NEFH: variants seen among roughly 807,000 people sequenced by gnomAD.
NEFH encodes neurofilament heavy polypeptide.
NEFH carries 58 observed loss-of-function variants against 56.6 expected under a neutral mutation model. That is an observed-to-expected ratio of 1.03 (90% CI 0.83 to 1.28). The LOEUF (loss-of-function observed/expected upper bound fraction) is 1.28. Ranked by LOEUF, NEFH falls within the 50% of genes most tolerant of loss-of-function variation. NEFH has a pLI of 0.00. For synonymous variants in NEFH, 542 were observed against 545.8 expected, an observed-to-expected ratio of 0.99 and a Z score of 0.10; for missense variants, 1,221 against 1,307.6, an observed-to-expected ratio of 0.93 and a Z score of 1.02.
chr22:29,490,547 C>G lies in NEFH; in HGVS notation c.2907C>G (p.Pro969=). 1.2e-6 allele frequency: 2 copies of G among 1,612,164 alleles called. No individual in the cohort carries two copies. The highest frequency in any genetic ancestry group is 2.2e-5 in the East Asian group (1 of 44,870). Residue 969 remains proline, a synonymous_variant, in exon 4 of 4, where the codon CCC becomes CCG. Coordinates refer to ENST00000310624, the MANE Select transcript of NEFH (RefSeq NM_021076.4). ...AGGCCAAGAAGCCTGAGGAGAAACC[C>G]AAGACAGAGGCCAAAGCCAAGGAAG... ...EEKAKKPEEK[P]KTEAKAKEDD...
Position 29,480,819 on chromosome 22 carries a change from A to G in NEFH, c.557A>G (p.Asp186Gly). The G allele has an allele frequency of 7.2e-7, 1 of 1,398,306 alleles. No individual in the cohort carries two copies. Among genetic ancestry groups the G allele is most frequent in the Non-Finnish European group, 9.2e-7 (1 of 1,087,920 alleles). 86.6% of individuals were successfully genotyped at this position (1,398,306 alleles called of 1,614,324 possible). Reference protein sequence around the residue: ...EDIAHVRQRLDDEARQREEAE... With the variant: ...EDIAHVRQRLGDEARQREEAE... ...ATCGCGCACGTGCGCCAGCGCCTAG[A>G]CGACGAGGCCCGGCAGCGAGAGGAG... Residue 186 changes from aspartate to glycine, a missense_variant, in exon 1 of 4, where the codon GAC becomes GGC. Coordinates refer to ENST00000310624, the MANE Select transcript of NEFH (RefSeq NM_021076.4).
chr22:29,488,402 G>A (rs1046931571), intron 3 of NEFH, among the ~76,000 whole-genome samples: 1 of 150,474 alleles, frequency 6.6e-6, no homozygotes, highest in Non-Finnish European at 1.5e-5. Context: ...AAAAAAAAAA[G>A]TGGAATTGTT....
At chr22:29,481,495 G>A (rs2063009747) in intron 1 of NEFH, among the ~76,000 whole-genome samples, 1 of 152,114 alleles carries the variant, frequency 6.6e-6, no homozygotes. Context: ...AGTGGTGCAG[G>A]ATTCTGGTCT....
At position 29,490,588 on chromosome 22, in the gene NEFH, C is replaced by T; in HGVS notation, c.2948C>T (p.Ser983Leu). The change falls in exon 4 of 4, where the codon TCA becomes TTA. Residue 983 changes from serine (S) to leucine (L), a missense_variant. By Grantham distance (145) the Ser-to-Leu change is moderately radical (BLOSUM62 -2). Transcript: ENST00000310624. The stretch of plus-strand genomic sequence containing the variant: ...GCCAAGGAAGATGACAAGACCCTCT[C>T]AAAAGAGCCTAGCAAGCCTAAGGCA... Reference protein sequence around the residue: ...AKAKEDDKTLSKEPSKPKAEK... With the variant: ...AKAKEDDKTLLKEPSKPKAEK... 3 of 1,614,052 alleles carry T rather than the reference C, an allele frequency of 1.9e-6. No individual in the cohort carries two copies. The highest frequency in any genetic ancestry group is 2.5e-6 in the Non-Finnish European group (3 of 1,180,008).
At chr22:29,482,307 T>C (rs2063016304) in intron 1 of NEFH, among the ~76,000 whole-genome samples, 1 of 152,148 alleles carries the variant, frequency 6.6e-6, no homozygotes. Flanking sequence ...ACTGGCCCAC[T>C]CAGCTGGCTT....
rs1429370843 is a variant in NEFH, at chr22:29,489,400, C to T, written c.1760C>T (p.Pro587Leu). ...AAGTCCCCCGAGAAGGCCAAGTCCC[C>T]AGCAAAGGAAGAGGCAAAGTCACCG... is the stretch of plus-strand genomic sequence containing the variant. ...EVKSPEKAKSPAKEEAKSPAE... is the reference protein window; with the variant it reads ...EVKSPEKAKSLAKEEAKSPAE... Residue 587 changes from proline to leucine, a missense_variant, in exon 4 of 4, where the codon CCA becomes CTA. By Grantham distance (98) the Pro-to-Leu change is moderately conservative (BLOSUM62 -3). This residue lies in a region of NEFH where 243 missense variants were observed against 299.1 expected (regional missense o/e 0.81). Transcript: ENST00000310624. 3 of 1,613,190 alleles carry T rather than the reference C, an allele frequency of 1.9e-6. No individual in the cohort carries two copies. Among genetic ancestry groups the T allele is most frequent in the South Asian group, 2.2e-5 (2 of 91,026 alleles).
At position 29,490,342 on chromosome 22, in the gene NEFH, A is replaced by T; in HGVS notation, c.2702A>T (p.Lys901Ile). ...EAKKEEAEDK[K>I]KVPTPEKEAP... ...AAGAAGGAAGAGGCTGAAGATAAGA[A>T]AAAAGTCCCCACCCCAGAGAAGGAG... Residue 901 changes from lysine (K) to isoleucine (I), a missense_variant, in exon 4 of 4, where the codon AAA becomes ATA. This residue lies in a region of NEFH where 301 missense variants were observed against 346.6 expected (regional missense o/e 0.87). Transcript: ENST00000310624. 3 of 1,613,420 alleles carry T rather than the reference A, an allele frequency of 1.9e-6. No homozygotes were observed. Among genetic ancestry groups the T allele is most frequent in the Non-Finnish European group, 2.5e-6 (3 of 1,179,752 alleles).
chr22:29,491,184 A>C lies in NEFH; in HGVS notation c.*481A>C, dbSNP rs778468826. ...GCTCTCTATTCTGGAAGAGCGGTCC[A>C]GGTGGGGCCGGGGACTGGCCACTGA... is the stretch of plus-strand genomic sequence containing the variant. On this transcript the variant is annotated 3_prime_UTR_variant, in exon 4 of 4. Transcript: ENST00000310624. 7.7e-6 allele frequency: 2 copies of C among 261,154 alleles called. No individual in the cohort carries two copies. The highest frequency in any genetic ancestry group is 1.5e-5 in the Non-Finnish European group (2 of 135,412). The allele number at this position is 261,154 out of a possible 1,614,324, so 16.2% of individuals were successfully genotyped here.
rs1421545259 is a variant in NEFH at position 29,480,319 on chromosome 22, T to C, written c.57T>C (p.His19=). ...TGGGCGCCCCGTTCGCGCCGCTGCA[T>C]GGCGGCGGCAGCCTCCACTACGCGC... The part of the protein sequence containing the change: ...ALLGAPFAPL[H]GGGSLHYALA... The change falls in exon 1 of 4, where the codon CAT becomes CAC. Residue 19 remains histidine, a synonymous_variant. Transcript: ENST00000310624. The C allele has an allele frequency of 7.3e-6, 11 of 1,508,014 alleles. 1 individual carries two copies. The South Asian group carries it at 1.0e-4, about 14-fold the overall frequency. 93.4% of individuals were successfully genotyped at this position (1,508,014 alleles called of 1,614,324 possible). A position where few individuals can be genotyped will look rare whatever the true frequency, so the allele number is the denominator to read the frequency against.
Position 29,480,755 on chromosome 22 carries a change from G to A in NEFH, c.493G>A (p.Gly165Ser), listed in dbSNP as rs1415124727. ...GGTGCTGCGCCTGGGCGCGGCGCGC[G>A]GTCAGCTACGCCTGGAGCAGGAGCA... The part of the protein sequence containing the change: ...GAVLRLGAAR[G>S]QLRLEQEHLL... The change falls in exon 1 of 4, where the codon GGT (glycine) becomes AGT (serine). Residue 165 changes from glycine to serine, a missense_variant. Gly to Ser is a moderately conservative substitution (Grantham distance 56). This residue lies in a region of NEFH where 640 missense variants were observed against 555.5 expected (regional missense o/e 1.15). Coordinates refer to ENST00000310624, the MANE Select transcript of NEFH (RefSeq NM_021076.4). 7 of 1,448,110 alleles carry A rather than the reference G, an allele frequency of 4.8e-6. No homozygotes were observed. The highest frequency in any genetic ancestry group is 2.9e-5 in the Admixed American group (1 of 34,960). The allele number at this position is 1,448,110 out of a possible 1,614,324, so 89.7% of individuals were successfully genotyped here.
At position 29,489,106 on chromosome 22, in the gene NEFH, G is replaced by C. The variant is rs746378708; in HGVS notation, c.1466G>C (p.Gly489Ala). The change falls in exon 4 of 4, where the codon GGT (glycine) becomes GCT (alanine). Residue 489 changes from glycine to alanine, a missense_variant. By Grantham distance (60) the Gly-to-Ala change is moderately conservative. This residue lies in a region of NEFH where 243 missense variants were observed against 299.1 expected (regional missense o/e 0.81). Transcript: ENST00000310624. The part of the protein sequence containing the change: ...KEEEGKEEEG[G>A]EEEEAEGGEE... Reference sequence around the variant, plus strand: ...GAGGAGGGCAAGGAGGAAGAAGGGGGTGAAGAAGAGGAGGCAGAAGGGGGA... The same window carrying C: ...GAGGAGGGCAAGGAGGAAGAAGGGGCTGAAGAAGAGGAGGCAGAAGGGGGA... 1 of 1,613,190 alleles carries C rather than the reference G, an allele frequency of 6.2e-7. No individual in the cohort carries two copies. The highest frequency in any genetic ancestry group is 8.5e-7 in the Non-Finnish European group (1 of 1,179,548).
chr22:29,480,685 T>C lies in NEFH; in HGVS notation c.423T>C (p.Ala141=), dbSNP rs1163628861. Reference sequence around the variant, plus strand: ...GGCAGCAGCAGGCGGGCCGCTCCGCTATGGGCGAGCTGTACGAGCGCGAGG... The same window carrying C: ...GGCAGCAGCAGGCGGGCCGCTCCGCCATGGGCGAGCTGTACGAGCGCGAGG... ...ALRQQQAGRS[A]MGELYEREVR... Residue 141 remains alanine (A), a synonymous_variant, in exon 1 of 4, where the codon GCT becomes GCC. Transcript: ENST00000310624. The C allele has an allele frequency of 3.2e-6, 5 of 1,542,342 alleles. No individual in the cohort carries two copies. The highest frequency in any genetic ancestry group is 4.3e-6 in the Non-Finnish European group (5 of 1,152,152).
rs2063069131 is a variant in NEFH, at chr22:29,489,857, A to G, written c.2217A>G (p.Pro739=). Residue 739 remains proline, a synonymous_variant, in exon 4 of 4, where the codon CCA becomes CCG. Transcript: ENST00000310624. ...AGACCCCCGAGAAGGCCAAGTCCCC[A>G]GTGAAGGAAGAAGCTAAGTCCCCAG... ...EAKTPEKAKS[P]VKEEAKSPEK... 9 of 1,583,798 alleles carry G rather than the reference A, an allele frequency of 5.7e-6. No homozygotes were observed. The East Asian group carries it at 1.9e-4, about 33-fold the overall frequency.
At chr22:29,481,820 G>A (rs1187445478) in intron 1 of NEFH, among the ~76,000 whole-genome samples, 1 of 152,078 alleles carries the variant, frequency 6.6e-6, no homozygotes, top group Non-Finnish European at 1.5e-5. Context: ...TCCCAAGTCT[G>A]CCCCTCCCCC....
Position 29,480,939 on chromosome 22 carries a change from A to G in NEFH, c.677A>G (p.Glu226Gly). ...AAGAAGGCGCAGGCGCTGCAGGAGGAGTGCGGCTACCTGCGGCGCCACCAC... is the reference window on the plus strand; with the variant it reads ...AAGAAGGCGCAGGCGCTGCAGGAGGGGTGCGGCTACCTGCGGCGCCACCAC... Reference protein sequence around the residue: ...LQKKAQALQEECGYLRRHHQE... With the variant: ...LQKKAQALQEGCGYLRRHHQE... The change falls in exon 1 of 4, where the codon GAG (glutamate) becomes GGG (glycine). Residue 226 changes from glutamate to glycine, a missense_variant. By Grantham distance (98) the Glu-to-Gly change is moderately conservative. Coordinates refer to ENST00000310624, the MANE Select transcript of NEFH (RefSeq NM_021076.4). 1 of 1,528,992 alleles carries G rather than the reference A, an allele frequency of 6.5e-7. No homozygotes were observed. Among genetic ancestry groups the G allele is most frequent in the Non-Finnish European group, 8.7e-7 (1 of 1,144,658 alleles). 94.7% of individuals were successfully genotyped at this position (1,528,992 alleles called of 1,614,324 possible). A position where few individuals can be genotyped will look rare whatever the true frequency, so the allele number is the denominator to read the frequency against.
intron 2 of NEFH, among the ~76,000 whole-genome samples, chr22:29,484,394 C>G (rs1268425666): frequency 6.6e-6 from 1 of 151,992 alleles, no homozygotes; most frequent in Non-Finnish European, 1.5e-5. Flanking sequence ...AATCCCAGCA[C>G]TTTAGGAGGC....
At chr22:29,481,625 A>G (rs966438128) in intron 1 of NEFH, among the ~76,000 whole-genome samples, 2 of 152,052 alleles carry the variant, frequency 1.3e-5, no homozygotes, top group African/African-American at 4.8e-5. Context: ...GCTCCTTCCC[A>G]CTACCTGCTC....
intron 1 of NEFH, 31 bp downstream of exon 1, chr22:29,481,176 G>A (rs2063006914): frequency 4.6e-6 from 7 of 1,524,210 alleles, no homozygotes; most frequent in African/African-American, 1.4e-5. Flanking sequence ...GGGGAGGGGC[G>A]CCCCTGCTGA....
Position 29,490,889 on chromosome 22 carries a change from A to G in NEFH, c.*186A>G. 1.7e-6 allele frequency: 2 copies of G among 1,192,222 alleles called. No individual in the cohort carries two copies. Among genetic ancestry groups the G allele is most frequent in the South Asian group, 1.3e-5 (1 of 74,860 alleles). The allele number at this position is 1,192,222 out of a possible 1,614,324, so 73.9% of individuals were successfully genotyped here. Reference sequence around the variant, plus strand: ...TATGTTAGCAAGAGAGGGCACTCCCAGGCCCCTGCCCCCAGGCCCTCCCCA... The same window carrying G: ...TATGTTAGCAAGAGAGGGCACTCCCGGGCCCCTGCCCCCAGGCCCTCCCCA... On this transcript the variant is annotated 3_prime_UTR_variant, in exon 4 of 4. Transcript: ENST00000310624.
Sources: allele counts gnomAD v4.1 joint callset (sites outside exome capture counted in the v4.1 genomes callset), GRCh38; gene constraint gnomAD v4.1.1; regional missense constraint gnomAD v4.1.1; transcripts MANE v1.5; gene names NCBI Gene and HGNC (gene_info 2026-07-23, HGNC 2026-07-21).